ADAM9: variants seen among roughly 807,000 people sequenced by gnomAD.
The protein encoded by ADAM9 is ADAM metallopeptidase domain 9, also known as disintegrin and metalloproteinase domain-containing protein 9.
ADAM9 carries 54 observed loss-of-function variants against 108.1 expected under a neutral mutation model. The ratio of observed to expected loss-of-function variants is 0.50; its 90% confidence interval spans 0.40 to 0.63. The LOEUF is 0.63. Among genes scored for constraint, ADAM9 ranks in the 20% least tolerant of loss-of-function variants. The probability of loss-of-function intolerance (pLI) is 0.00; values close to 1 mark genes in which losing one functional copy is unlikely to be tolerated. For missense variants in ADAM9, 830 were observed against 997.7 expected (o/e 0.83, Z 2.26); for synonymous variants, 316 against 336.0 (o/e 0.94, Z 0.65).
chr8:39,013,804 TATGAGCTTTTAATTTTACAATA>T (rs1344012020), intron 3 of ADAM9, among the ~76,000 whole-genome samples, 139 bp from the exon 4 acceptor site: 1 of 152,116 alleles, frequency 6.6e-6, no homozygotes, highest in Non-Finnish European at 1.5e-5. Flanking sequence ...ACCCAGCTGT[TATGAGCTTTTAATTTTACAATA>T]GCACATTTAA....
chr8:39,041,832 A>G, intron 11 of ADAM9, 114 bp from the exon 12 acceptor site: 1 of 932,566 alleles, frequency 1.1e-6, no homozygotes, highest in Non-Finnish European at 1.7e-6. Context: ...CACTTTTATT[A>G]GCTTCTTTTC....
rs1437598064 is a variant in ADAM9 at position 39,067,325 on chromosome 8, G to A, written c.1592-3973G>A. 2.0e-5 allele frequency among the ~76,000 whole-genome samples: 3 copies of A among 152,180 alleles called. No homozygotes were observed. In the South Asian group the frequency reaches 6.2e-4, roughly 32 times the overall value. ...TAGCTTGATGGGGATGGCATTGAAT[G>A]TATAAATTACCTTGGGCAGTATGGC... On this transcript the variant is annotated intron_variant, in intron 14 of 21. Transcript: ENST00000487273.
intron 1 of ADAM9, among the ~76,000 whole-genome samples, chr8:38,997,873 G>T (rs186339412): frequency 6.6e-6 from 1 of 152,198 alleles, no homozygotes; most frequent in Non-Finnish European, 1.5e-5. Context: ...TGAACTCACA[G>T]GATTATTGTA....
intron 20 of ADAM9, among the ~76,000 whole-genome samples, chr8:39,100,339 A>G (rs1453130631): frequency 6.6e-6 from 1 of 151,650 alleles, no homozygotes; most frequent in Non-Finnish European, 1.5e-5. Context: ...AATACGAAAA[A>G]AAAATTAGCC....
chr8:39,010,391 G>T (rs2129432320), intron 2 of ADAM9, among the ~76,000 whole-genome samples: 2 of 152,302 alleles, frequency 1.3e-5, no homozygotes, highest in Middle Eastern at 6.8e-3. Flanking sequence ...TTCCCATGCA[G>T]GATGTGGAGG....
rs373163018 is a variant in ADAM9 at position 39,085,845 on chromosome 8, C to G, written c.2068+2772C>G. Among the ~76,000 whole-genome samples, 4 of 152,074 alleles carry G rather than the reference C, an allele frequency of 2.6e-5. No individual in the cohort carries two copies. The East Asian group carries it at 5.8e-4, about 22-fold the overall frequency. On this transcript the variant is annotated intron_variant, in intron 18 of 21. Transcript: ENST00000487273. ...GGATCTGTGCTTTTATAGTTTTCTT[C>G]AAATTTGGAAAATTTTTGGCCATCG...
chr8:39,063,599 G>A (rs1340158165), intron 14 of ADAM9, among the ~76,000 whole-genome samples: 1 of 152,224 alleles, frequency 6.6e-6, no homozygotes, highest in Non-Finnish European at 1.5e-5. Flanking sequence ...GTGCACTCCT[G>A]TAGTCCCAGC....
At chr8:39,005,346 AGT>A (rs1013089624) in intron 1 of ADAM9, among the ~76,000 whole-genome samples, 1 of 152,224 alleles carries the variant, frequency 6.6e-6, no homozygotes, top group Non-Finnish European at 1.5e-5. Flanking sequence ...ATAATTAATA[AGT>A]GTTCAATTTA....
chr8:38,997,310 C>T (rs1402041723), intron 1 of ADAM9, 150 bp downstream of exon 1: 12 of 893,722 alleles, frequency 1.3e-5, no homozygotes, highest in Non-Finnish European at 1.8e-5. Flanking sequence ...GTGTGCGGAC[C>T]GGGGTCGCAC....
chr8:39,044,391 A>T (rs1273400488), intron 12 of ADAM9, among the ~76,000 whole-genome samples: 1 of 152,082 alleles, frequency 6.6e-6, no homozygotes, highest in Non-Finnish European at 1.5e-5. Context: ...AGGTGATCTC[A>T]TATGTGTGGG....
chr8:39,033,210 A>G (rs1162630418), intron 11 of ADAM9, among the ~76,000 whole-genome samples: 3 of 152,148 alleles, frequency 2.0e-5, no homozygotes, highest in South Asian at 2.1e-4. Context: ...TTTAATTTCA[A>G]ATTCTACTTG....
intron 11 of ADAM9, among the ~76,000 whole-genome samples, chr8:39,027,313 A>G (rs1836953719): frequency 6.6e-6 from 1 of 152,234 alleles, no homozygotes; most frequent in Admixed American, 6.5e-5. Context: ...TATTTCTATT[A>G]ACAAACCCTG....
At chr8:39,052,678 G>C (rs1457950316) in intron 12 of ADAM9, among the ~76,000 whole-genome samples, 1 of 152,040 alleles carries the variant, frequency 6.6e-6, no homozygotes, top group African/African-American at 2.4e-5. Context: ...AGTTGTTGTG[G>C]AACCATTTAA....
chr8:39,022,993 G>C (rs546358328), intron 8 of ADAM9, among the ~76,000 whole-genome samples, 163 bp from the exon 9 acceptor site: 1 of 152,144 alleles, frequency 6.6e-6, no homozygotes, highest in Non-Finnish European at 1.5e-5. Context: ...GATTACAGGC[G>C]TGAGCCACTG....
chr8:39,009,904 G>A (rs1455785939), intron 2 of ADAM9, among the ~76,000 whole-genome samples: 2 of 83,998 alleles, frequency 2.4e-5, no homozygotes, highest in South Asian at 4.4e-4. Context: ...ATGGGGGGGG[G>A]GGGCAGGGAG....
intron 12 of ADAM9, among the ~76,000 whole-genome samples, chr8:39,044,143 C>G (rs1250685608): frequency 1.3e-5 from 2 of 152,168 alleles, no homozygotes; most frequent in African/African-American, 4.8e-5. Flanking sequence ...ATTTTGGCAT[C>G]ATATCCATGA....
rs966577745 is a variant in ADAM9, at chr8:39,066,437, C to T, written c.1592-4861C>T. On this transcript the variant is annotated intron_variant, in intron 14 of 21. Transcript: ENST00000487273. ...TGTTGTTTCCTGACTTTTTAATGAT[C>T]GCCATTCTAAATGGCGTGAGATGGT... Among the ~76,000 whole-genome samples, 8 of 152,182 alleles carry T rather than the reference C, an allele frequency of 5.3e-5. No individual in the cohort carries two copies. In the East Asian group the frequency reaches 5.8e-4, roughly 11 times the overall value.
At position 39,036,175 on chromosome 8, in the gene ADAM9, G is replaced by A. The variant is rs111379876; in HGVS notation, c.1131-5771G>A. 2.2e-3 allele frequency among the ~76,000 whole-genome samples: 328 copies of A among 152,098 alleles called. 1 individual carries two copies. The highest frequency in any genetic ancestry group is 7.7e-3 in the African/African-American group (319 of 41,472). On this transcript the variant is annotated intron_variant, in intron 11 of 21. Transcript: ENST00000487273. ...TGTTATTGTTTATGATATTTTGGGG[G>A]CACAGTGGTATTCTTATGCATTGCT...
rs947856365 is a variant in ADAM9 at position 39,092,256 on chromosome 8, C to T, written c.2298+910C>T. Among the ~76,000 whole-genome samples, 4 of 151,786 alleles carry T rather than the reference C, an allele frequency of 2.6e-5. No homozygotes were observed. In the East Asian group the frequency reaches 5.8e-4, roughly 22 times the overall value. On this transcript the variant is annotated intron_variant, in intron 20 of 21. Transcript: ENST00000487273. Reference sequence around the variant, plus strand: ...ATGTCACTTTGTGATTTATCTCTATCGATAGATATAGCTGTGATTCATTCA... The same window carrying T: ...ATGTCACTTTGTGATTTATCTCTATTGATAGATATAGCTGTGATTCATTCA...
Sources: allele counts gnomAD v4.1 joint callset (sites outside exome capture counted in the v4.1 genomes callset), GRCh38; gene constraint gnomAD v4.1.1; transcripts MANE v1.5; gene names NCBI Gene and HGNC (gene_info 2026-07-23, HGNC 2026-07-21).